Variants in NREP observed in about 807,000 individuals in gnomAD.
NREP encodes neuronal regeneration related protein, also known as neuronal regeneration-related protein.
In NREP, 5 loss-of-function variants were observed where a neutral mutation model predicts 8.6. That is an observed-to-expected ratio of 0.58 (90% confidence interval 0.30 to 1.22). The LOEUF is 1.22. Among genes scored for constraint, NREP ranks in the 50% most tolerant of loss-of-function variants. The probability of loss-of-function intolerance (pLI) is 0.07; values close to 1 mark genes in which losing one functional copy is unlikely to be tolerated. For missense variants in NREP, 86 were observed against 82.5 expected (o/e 1.04, Z -0.17); for synonymous variants, 27 against 28.0 (o/e 0.96, Z 0.11).
chr5:111,921,390 T>C (rs899533140), intron 2 of NREP, among the ~76,000 whole-genome samples: 12 of 152,134 alleles, frequency 7.9e-5, no homozygotes, highest in Non-Finnish European at 1.2e-4. Context: ...CCCATGACTC[T>C]GACAGTTGTC....
chr5:111,891,869 C>G (rs965301097), intron 2 of NREP, among the ~76,000 whole-genome samples: 2 of 152,158 alleles, frequency 1.3e-5, no homozygotes, highest in Non-Finnish European at 2.9e-5. Context: ...GAGCCAATCA[C>G]CTCCCCTCAA....
intron 2 of NREP, among the ~76,000 whole-genome samples, chr5:111,765,652 A>G (rs75480695): frequency 0.077 from 11,707 of 152,286 alleles, 545 homozygotes; most frequent in African/African-American, 0.13. Flanking sequence ...TCAGTCTCTT[A>G]ACCGTCATGC....
At chr5:111,758,333 C>G (rs2112859715), upstream of NREP, 1 of 819,364 alleles carries the variant, frequency 1.2e-6, no homozygotes, top group South Asian at 5.6e-5. Flanking sequence ...TATACGCTCC[C>G]CCACTGCCTG....
At chr5:111,956,727 G>T (rs1293186887) in intron 2 of NREP, among the ~76,000 whole-genome samples, 1 of 152,166 alleles carries the variant, frequency 6.6e-6, no homozygotes, top group African/African-American at 2.4e-5. Flanking sequence ...ACTTTGGGAG[G>T]TGGAGGCAGG....
chr5:111,945,791 G>T (rs1353247196), intron 2 of NREP, among the ~76,000 whole-genome samples: 2 of 151,660 alleles, frequency 1.3e-5, no homozygotes, highest in Non-Finnish European at 2.9e-5. Context: ...CTCAGGATCT[G>T]CTTCATTCTC....
intron 2 of NREP, among the ~76,000 whole-genome samples, chr5:111,924,772 A>C (rs1439510312): frequency 4.6e-5 from 7 of 152,112 alleles, no homozygotes; most frequent in Non-Finnish European, 8.8e-5. Flanking sequence ...GGGATCCTTA[A>C]GATGTATTTG....
At chr5:111,856,032 G>A (rs545996559) in intron 2 of NREP, among the ~76,000 whole-genome samples, 1 of 152,292 alleles carries the variant, frequency 6.6e-6, no homozygotes, top group South Asian at 2.1e-4. Context: ...GGCACCAGCT[G>A]GAGAGGCCTC....
intron 2 of NREP, among the ~76,000 whole-genome samples, chr5:111,752,574 T>C (rs138924759): frequency 9.7e-4 from 148 of 152,354 alleles, no homozygotes; most frequent in African/African-American, 3.4e-3. Context: ...GGAGAGATTA[T>C]TGAAAGAGTC....
At chr5:111,883,258 A>T (rs144395791) in intron 2 of NREP, among the ~76,000 whole-genome samples, 15 of 152,366 alleles carry the variant, frequency 9.8e-5, no homozygotes, top group African/African-American at 3.6e-4. Context: ...GGATCAATTC[A>T]ATGAGAAGAG....
rs1000116097 is a variant in NREP at position 111,812,227 on chromosome 5, C to T, written c.136-76720G>A. Among the ~76,000 whole-genome samples, 55 of 151,986 alleles carry T rather than the reference C, an allele frequency of 3.6e-4. 1 individual carries two copies. Among genetic ancestry groups the T allele is most frequent in the East Asian group, 1.9e-4 (1 of 5,194 alleles). On this transcript the variant is annotated intron_variant, in intron 2 of 3. Coordinates refer to the NREP transcript ENST00000395634. Reference sequence around the variant, plus strand: ...GCTTGAGCCTGGGAGGTGGAGGTTGCGGTGAGGGGAGATCTTGCCACTGCA... The same window carrying T: ...GCTTGAGCCTGGGAGGTGGAGGTTGTGGTGAGGGGAGATCTTGCCACTGCA...
chr5:111,745,632 A>G lies in NREP; in HGVS notation c.4-10125T>C, dbSNP rs972810493. Among the ~76,000 whole-genome samples, 18 of 152,172 alleles carry G rather than the reference A, an allele frequency of 1.2e-4. No individual in the cohort carries two copies. In the East Asian group the frequency reaches 1.5e-3, roughly 13 times the overall value. ...AACTGCATTTGAAATCCTGTTCACT[A>G]TAACTTTGCTTTTCGAAATGTTAAC... is the stretch of plus-strand genomic sequence containing the variant. On this transcript the variant is annotated intron_variant, in intron 2 of 3. Coordinates refer to ENST00000257435, the MANE Select transcript of NREP (RefSeq NM_004772.4).
intron 2 of NREP, among the ~76,000 whole-genome samples, chr5:111,774,839 C>A (rs1343973162): frequency 6.6e-6 from 1 of 152,172 alleles, no homozygotes. Context: ...AGTATGGTGA[C>A]CTGGACTTCT....
chr5:111,784,049 T>C (rs1751554706), intron 2 of NREP, among the ~76,000 whole-genome samples: 1 of 152,156 alleles, frequency 6.6e-6, no homozygotes, highest in East Asian at 1.9e-4. Context: ...TTGATATATA[T>C]GTGGGGTAGA....
chr5:111,845,643 T>C (rs1186691811), intron 2 of NREP, among the ~76,000 whole-genome samples: 2 of 152,190 alleles, frequency 1.3e-5, no homozygotes, highest in Non-Finnish European at 1.5e-5. Flanking sequence ...TAAGATGATA[T>C]CAAGTACTAA....
At chr5:111,732,039 T>TGACA (rs1354743786) in intron 3 of NREP, 2 of 152,166 alleles carry the variant, frequency 1.3e-5, no homozygotes, top group Non-Finnish European at 2.9e-5. Context: ...TTTTAATTAC[T>TGACA]GACATTTTCT....
chr5:111,903,782 C>T (rs1304596777), intron 2 of NREP, among the ~76,000 whole-genome samples: 1 of 152,062 alleles, frequency 6.6e-6, no homozygotes, highest in Non-Finnish European at 1.5e-5. Context: ...TGAATGGAGA[C>T]ATTTCTTCTC....
chr5:111,817,322 T>G (rs1417828156), intron 2 of NREP, among the ~76,000 whole-genome samples: 1 of 152,212 alleles, frequency 6.6e-6, no homozygotes, highest in Admixed American at 6.5e-5. Context: ...ATGGAAGTGG[T>G]GATGATAGAC....
chr5:111,870,461 T>C (rs1270035452), intron 2 of NREP, among the ~76,000 whole-genome samples: 1 of 152,176 alleles, frequency 6.6e-6, no homozygotes, highest in Non-Finnish European at 1.5e-5. Flanking sequence ...GCACATCAAA[T>C]GAATTTTCTT....
chr5:111,790,858 C>A (rs187550563), intron 2 of NREP, among the ~76,000 whole-genome samples: 1 of 151,868 alleles, frequency 6.6e-6, no homozygotes, highest in South Asian at 2.1e-4. Flanking sequence ...TTTTGTTCAA[C>A]GAAATGAGGA....
Sources: gnomAD v4.1 joint callset for allele counts (sites outside exome capture counted in the v4.1 genomes callset) on GRCh38, gnomAD v4.1.1 for gene constraint, MANE v1.5 for transcripts, NCBI Gene and HGNC (gene_info 2026-07-23, HGNC 2026-07-21) for gene names.